The following ABR variants were observed in gnomAD, a reference collection of about 807,000 sequenced individuals.
The protein encoded by ABR is active breakpoint cluster region-related protein.
A neutral mutation model predicts 107.2 loss-of-function variants in ABR; 35 were observed. The ratio of observed to expected loss-of-function variants is 0.33; its 90% CI spans 0.25 to 0.43. The LOEUF (loss-of-function observed/expected upper bound fraction) is 0.43. Among genes scored for constraint, ABR ranks in the 20% least tolerant of loss-of-function variants. The pLI is 1.00. For missense variants in ABR, 815 were observed against 1,115.2 expected (o/e 0.73, Z 3.83); for synonymous variants, 498 against 462.0 (o/e 1.08, Z -1.00).
intron 16 of ABR, among the ~76,000 whole-genome samples, chr17:1,034,905 C>A (rs1256273573): frequency 6.6e-6 from 1 of 152,050 alleles, no homozygotes; most frequent in Non-Finnish European, 1.5e-5. Context: ...TCCCAAGGCC[C>A]GGCACTCATC....
chr17:1,156,890 G>A (rs974109898), intron 1 of ABR, among the ~76,000 whole-genome samples: 2 of 152,080 alleles, frequency 1.3e-5, no homozygotes, highest in African/African-American at 2.4e-5. Context: ...TGGCTCTTCC[G>A]TCCACCTCCA....
intron 1 of ABR, among the ~76,000 whole-genome samples, chr17:1,212,159 T>G (rs1259986037): frequency 6.6e-6 from 1 of 151,482 alleles, no homozygotes; most frequent in Non-Finnish European, 1.5e-5. Flanking sequence ...CTGGGCATGG[T>G]GGCTCACGCC....
chr17:1,083,513 G>A lies in ABR; in HGVS notation c.639+7C>T, dbSNP rs750267525. 171 of 1,590,550 alleles carry A rather than the reference G, an allele frequency of 1.1e-4. No homozygotes were observed. The East Asian group carries it at 2.7e-3, about 26-fold the overall frequency. ...CCCTCAGGGTGGCTATGTGGGGAGC[G>A]GCCTACCTCTGAGATCTTCTGGAAC... On this transcript the variant is annotated splice_region_variant and intron_variant, in intron 5 of 22. Transcript: ENST00000302538.
rs527635334 is a variant in ABR, at chr17:1,016,442, G to A, written c.1792-3278C>T. Among the ~76,000 whole-genome samples, 14 of 151,264 alleles carry A rather than the reference G, an allele frequency of 9.3e-5. No homozygotes were observed. In the East Asian group the frequency reaches 2.1e-3, roughly 23 times the overall value. ...AGTGATTCTCCTGCCTCAGCCTCCC[G>A]AGTAGCTGGGATTACAGGTGCCTGC... On this transcript the variant is annotated intron_variant, in intron 16 of 22. Coordinates refer to ENST00000302538, the MANE Select transcript of ABR (RefSeq NM_021962.5).
At chr17:1,191,641 C>G (rs2042439079), upstream of ABR, among the ~76,000 whole-genome samples, 1 of 152,132 alleles carries the variant, frequency 6.6e-6, no homozygotes, top group South Asian at 2.1e-4. Flanking sequence ...CAGGCGTGAG[C>G]ACCTGGCCTG....
Position 1,160,282 on chromosome 17 carries a change from C to CCA in ABR, c.61+19383_61+19384dup, listed in dbSNP as rs112524650. ...AACAAAAAACAATAACAAAAAAAAA[C>CCA]CACACACACACACACACACACACAC... On this transcript the variant is annotated intron_variant, in intron 1 of 22. Transcript: ENST00000302538. Among the ~76,000 whole-genome samples, 1,639 of 148,792 alleles carry CCA rather than the reference C, an allele frequency of 0.011. 39 individuals carry two copies. The East Asian group carries it at 0.12, about 11-fold the overall frequency.
At chr17:1,135,541 G>A (rs754731459) in intron 1 of ABR, among the ~76,000 whole-genome samples, 17 of 151,844 alleles carry the variant, frequency 1.1e-4, no homozygotes, top group East Asian at 9.7e-4. Context: ...GCAGCTGAGG[G>A]AGCCCAGCCC....
At position 1,013,174 on chromosome 17, in the gene ABR, G is replaced by C. The variant is rs753985892; in HGVS notation, c.1792-10C>G. 8.2e-5 allele frequency: 132 copies of C among 1,613,882 alleles called. No individual in the cohort carries two copies. Among genetic ancestry groups the C allele is most frequent in the Non-Finnish European group, 1.0e-4 (121 of 1,179,854 alleles). On this transcript the variant is annotated splice_polypyrimidine_tract_variant and intron_variant, in intron 16 of 22. Transcript: ENST00000302538. ...CGGTTTGTGGGTCCAGCTGCAGAGA[G>C]AGAATGTGGGTGAGAGAGGTGCCAG...
intron 4 of ABR, among the ~76,000 whole-genome samples, chr17:1,087,506 AGGACTTTAAAAGGGGGCAGGGCC>A: frequency 6.7e-6 from 1 of 148,558 alleles, no homozygotes; most frequent in South Asian, 2.2e-4. Flanking sequence ...GCAGAAGGGC[AGGACTTTAAAAGGGGGCAGGGCC>A]GGACTTTTAA....
chr17:1,012,551 C>T (rs1463294340), intron 18 of ABR, 137 bp downstream of exon 18: 24 of 724,882 alleles, frequency 3.3e-5, no homozygotes, highest in East Asian at 1.6e-4. Context: ...AGATCCACAC[C>T]GGCCATCTGC....
intron 1 of ABR, among the ~76,000 whole-genome samples, chr17:1,137,569 A>G (rs1247040165): frequency 1.3e-5 from 2 of 152,230 alleles, no homozygotes; most frequent in East Asian, 1.9e-4. Flanking sequence ...CAAAACAATG[A>G]CAATGCTAAC....
chr17:1,215,363 C>T (rs1376858928), intron 1 of ABR, among the ~76,000 whole-genome samples: 2 of 152,282 alleles, frequency 1.3e-5, no homozygotes, highest in Non-Finnish European at 2.9e-5. Context: ...CTCAGCCTGC[C>T]GAGTGCCTGC....
intron 16 of ABR, among the ~76,000 whole-genome samples, chr17:1,041,689 C>G (rs746068428): frequency 2.0e-5 from 3 of 152,144 alleles, no homozygotes; most frequent in Non-Finnish European, 1.5e-5. Context: ...GCCAAGACTG[C>G]GCCATTACAC....
chr17:1,179,634 T>A lies in ABR; in HGVS notation c.61+33A>T, dbSNP rs200067955. The A allele has an allele frequency of 2.0e-6, 3 of 1,495,142 alleles. No individual in the cohort carries two copies. In the African/African-American group the frequency reaches 4.4e-5, roughly 22 times the overall value. The allele number at this position is 1,495,142 out of a possible 1,614,324, so 92.6% of individuals were successfully genotyped here. ...CTCCATCCTGGGGTCCCGATCCCGA[T>A]CCTGGGGTCCCGCCCCCGCCCGGCA... On this transcript the variant is annotated intron_variant, in intron 1 of 22. Transcript: ENST00000302538. The surrounding 1 kb of genome is among the most constrained non-coding windows in gnomAD (Gnocchi z 4.9).
rs776850556 is a variant in ABR, at chr17:1,079,325, G to A, written c.700+5C>T. The A allele has an allele frequency of 1.2e-6, 2 of 1,613,096 alleles. No individual in the cohort carries two copies. Among genetic ancestry groups the A allele is most frequent in the African/African-American group, 2.7e-5 (2 of 74,928 alleles). On this transcript the variant is annotated splice_donor_5th_base_variant and intron_variant, in intron 6 of 22. Coordinates refer to ENST00000302538, the MANE Select transcript of ABR (RefSeq NM_021962.5). ...GCCTGTAATCCAGCCCGCTCCCCGA[G>A]GTACCTTCCATGGTGACAGACGTGT...
intron 10 of ABR, among the ~76,000 whole-genome samples, chr17:1,065,699 G>C (rs1401034967): frequency 6.7e-6 from 1 of 149,122 alleles, no homozygotes; most frequent in African/African-American, 2.5e-5. Flanking sequence ...TTTGAATTTT[G>C]ATTTCCTCTT....
chr17:1,050,594 A>G lies in ABR; in HGVS notation c.1602T>C (p.Phe534=). The G allele has an allele frequency of 6.2e-7, 1 of 1,613,980 alleles. No individual in the cohort carries two copies. Among genetic ancestry groups the G allele is most frequent in the Non-Finnish European group, 8.5e-7 (1 of 1,179,978 alleles). The change falls in exon 15 of 23, where the codon TTT becomes TTC. Residue 534 remains phenylalanine, a synonymous_variant. Transcript: ENST00000302538. The surrounding 1 kb of genome is among the most constrained non-coding windows in gnomAD (Gnocchi z 4.6). ...CTLEVDSFGY[F]VSKAKTRVFR... is the part of the protein sequence containing the mutation. The stretch of plus-strand genomic sequence containing the variant: ...ACACCCTGGTTTTGGCTTTGCTGAC[A>G]AAATAGCCGAAGGAATCCACCTCCA...
intron 5 of ABR, among the ~76,000 whole-genome samples, chr17:1,080,764 CG>C (rs1003839751): frequency 9.6e-5 from 1 of 10,392 alleles, no homozygotes; most frequent in Non-Finnish European, 2.1e-4. Flanking sequence ...TTTTGGGGGG[CG>C]GGGGGGTGGG....
intron 16 of ABR, among the ~76,000 whole-genome samples, chr17:1,023,075 G>T (rs12936349): frequency 1.4e-5 from 2 of 146,868 alleles, no homozygotes; most frequent in African/African-American, 5.1e-5. Context: ...CGCCTCTGCC[G>T]GCCCCACGTC....
Sources: gnomAD v4.1 joint callset for allele counts (sites outside exome capture counted in the v4.1 genomes callset) on GRCh38, gnomAD v4.1.1 for gene constraint, Gnocchi (gnomAD v3.1) non-coding constraint, MANE v1.5 for transcripts, NCBI Gene and HGNC (gene_info 2026-07-23, HGNC 2026-07-21) for gene names.